Variants in TOP3A observed in about 807,000 individuals in gnomAD.
TOP3A encodes DNA topoisomerase 3-alpha.
A neutral mutation model predicts 111.3 loss-of-function variants in TOP3A; 64 were observed. The observed-to-expected ratio is 0.57, with a 90% CI of 0.47 to 0.71. The LOEUF is 0.71. TOP3A is among the 30% of genes least tolerant of loss of function. TOP3A has a pLI of 0.00. For missense variants in TOP3A, 1,104 were observed against 1,285.0 expected, an observed-to-expected ratio of 0.86 and a Z score of 2.15; for synonymous variants, 484 against 485.1, an observed-to-expected ratio of 1.00 and a Z score of 0.03.
In TOP3A at chr17:18,292,481, A is replaced by G. The variant is rs112106872; in HGVS notation, c.1281+164T>C. On this transcript the variant is annotated intron_variant, in intron 11 of 18. Transcript: ENST00000321105. ...AGACGGGGGCCCACCACGGGGAGGGATGAGGCGGTCTTTATCAAAGCCAGG... is the reference window on the plus strand; with the variant it reads ...AGACGGGGGCCCACCACGGGGAGGGGTGAGGCGGTCTTTATCAAAGCCAGG... 9.2e-3 allele frequency among the ~76,000 whole-genome samples: 1,395 copies of G among 152,278 alleles called. 28 individuals carry two copies. The highest frequency in any genetic ancestry group is 0.032 in the African/African-American group (1,333 of 41,540).
At chr17:18,305,275 T>C in intron 4 of TOP3A, 55 bp from the exon 5 acceptor site, 1 of 1,414,994 alleles carries the variant, frequency 7.1e-7, no homozygotes, top group Non-Finnish European at 1.0e-6. Flanking sequence ...AACAGTGACT[T>C]GACATCTCTA....
chr17:18,291,978 T>C (rs1032368177), intron 11 of TOP3A, among the ~76,000 whole-genome samples: 1 of 152,132 alleles, frequency 6.6e-6, no homozygotes, highest in African/African-American at 2.4e-5. Flanking sequence ...TCCCACAGTG[T>C]TGGGATTACA....
Position 18,278,286 on chromosome 17 carries a change from C to T in TOP3A, c.2216G>A (p.Gly739Glu). The T allele has an allele frequency of 1.3e-6, 2 of 1,527,234 alleles. No homozygotes were observed. Among genetic ancestry groups the T allele is most frequent in the Non-Finnish European group, 1.8e-6 (2 of 1,137,732 alleles). The allele number at this position is 1,527,234 out of a possible 1,614,324, so 94.6% of individuals were successfully genotyped here. The change falls in exon 18 of 19, where the codon GGA (glycine) becomes GAA (glutamate). Residue 739 changes from glycine (G) to glutamate (E), a missense_variant. By Grantham distance (98) the Gly-to-Glu change is moderately conservative. Coordinates refer to ENST00000321105, the MANE Select transcript of TOP3A (RefSeq NM_004618.5). ...MPLEFVCCIGGCDDTLREILD... is the reference protein window; with the variant it reads ...MPLEFVCCIGECDDTLREILD... ...GATCTCCCTCAGGGTGTCGTCGCAT[C>T]CGCCGATGCAGCAAACAAACTCCAG...
chr17:18,296,581 A>AAAAC (rs572844166), intron 9 of TOP3A, among the ~76,000 whole-genome samples: 20 of 152,172 alleles, frequency 1.3e-4, no homozygotes, highest in African/African-American at 2.9e-4. Context: ...TCTGTCTCAA[A>AAAAC]AAACAAACAA....
intron 9 of TOP3A, among the ~76,000 whole-genome samples, chr17:18,297,995 C>T (rs376779561): frequency 0.051 from 7,698 of 150,516 alleles, 515 homozygotes; most frequent in African/African-American, 0.17. Flanking sequence ...TCTTCCCGGC[C>T]GCCATCCCAT....
chr17:18,283,417 GTGTC>G (rs1979894073), intron 15 of TOP3A, among the ~76,000 whole-genome samples: 3 of 151,916 alleles, frequency 2.0e-5, no homozygotes, highest in Admixed American at 2.0e-4. Context: ...AACTCCAGGA[GTGTC>G]TGTCTGTATT....
At chr17:18,295,159 AT>A (rs1228691244) in intron 9 of TOP3A, among the ~76,000 whole-genome samples, 19 of 146,818 alleles carry the variant, frequency 1.3e-4, no homozygotes, top group Non-Finnish European at 2.1e-4. Context: ...CAAACTCCAC[AT>A]TTTTTTTTTT....
rs1022373729 is a variant in TOP3A, at chr17:18,272,390, T to G, written c.*2412A>C. Among the ~76,000 whole-genome samples, 5 of 152,242 alleles carry G rather than the reference T, an allele frequency of 3.3e-5. No homozygotes were observed. The highest frequency in any genetic ancestry group is 1.2e-4 in the African/African-American group (5 of 41,464). On this transcript the variant is annotated 3_prime_UTR_variant, in exon 19 of 19. Coordinates refer to ENST00000321105, the MANE Select transcript of TOP3A (RefSeq NM_004618.5). The stretch of plus-strand genomic sequence containing the variant: ...GTAGGTTCCTCAAAAAGTCAAAACA[T>G]GGAGTTATGGTATAAAACTACAATT...
intron 9 of TOP3A, among the ~76,000 whole-genome samples, chr17:18,296,153 C>T (rs1980789670): frequency 6.6e-6 from 1 of 152,154 alleles, no homozygotes; most frequent in African/African-American, 2.4e-5. Flanking sequence ...CCACCCAAGC[C>T]CCAGTAAATT....
intron 13 of TOP3A, among the ~76,000 whole-genome samples, chr17:18,289,697 T>A (rs1478641163): frequency 1.3e-5 from 2 of 152,236 alleles, no homozygotes; most frequent in Non-Finnish European, 2.9e-5. Context: ...CCAGCCTTCA[T>A]ACATTTTTAT....
Position 18,274,878 on chromosome 17 carries a change from G to A in TOP3A, c.2930C>T (p.Thr977Ile). The A allele has an allele frequency of 6.2e-7, 1 of 1,614,198 alleles. No homozygotes were observed. The highest frequency in any genetic ancestry group is 1.1e-5 in the South Asian group (1 of 91,082). Residue 977 changes from threonine (T) to isoleucine (I), a missense_variant, in exon 19 of 19, where the codon ACA becomes ATA. By Grantham distance (89) the Thr-to-Ile change is moderately conservative (BLOSUM62 -1). Coordinates refer to ENST00000321105, the MANE Select transcript of TOP3A (RefSeq NM_004618.5). ...GCTGCATTTCCGGGGTTTCTTTGCT[G>A]TGGACCCCATGTCTGAGGAACTGGC... ...PRASSSDMGSTAKKPRKCSLC... is the reference protein window; with the variant it reads ...PRASSSDMGSIAKKPRKCSLC...
rs547803614 is a variant in TOP3A, at chr17:18,290,055, C to T, written c.1597+502G>A. Among the ~76,000 whole-genome samples, 221 of 152,344 alleles carry T rather than the reference C, an allele frequency of 1.5e-3. 1 individual carries two copies. Among genetic ancestry groups the T allele is most frequent in the Middle Eastern group, 6.8e-3 (2 of 294 alleles). ...GGTCCTGGCACATACATGAGGCCAG[C>T]GTGAGCAGCCTGAGTGAGCAGTGTG... On this transcript the variant is annotated intron_variant, in intron 13 of 18. Coordinates refer to ENST00000321105, the MANE Select transcript of TOP3A (RefSeq NM_004618.5).
At chr17:18,311,032 ACT>A (rs1981878069) in intron 1 of TOP3A, among the ~76,000 whole-genome samples, 1 of 142,260 alleles carries the variant, frequency 7.0e-6, no homozygotes, top group African/African-American at 2.7e-5. Context: ...ACAGAGTCTC[ACT>A]CTGTTGCCCA....
At chr17:18,286,804 A>G (rs953765542) in intron 13 of TOP3A, among the ~76,000 whole-genome samples, 3 of 152,204 alleles carry the variant, frequency 2.0e-5, no homozygotes, top group Non-Finnish European at 4.4e-5. Context: ...AAAACTGTTC[A>G]CAGCAGGATT....
At chr17:18,282,882 C>T (rs201616779) in intron 15 of TOP3A, 41 bp from the exon 16 acceptor site, 15 of 1,610,418 alleles carry the variant, frequency 9.3e-6, no homozygotes, top group Admixed American at 6.7e-5. Flanking sequence ...AGCCAGCAAT[C>T]GCTGCAAAGG....
At position 18,290,881 on chromosome 17, in the gene TOP3A, G is replaced by C; in HGVS notation, c.1428C>G (p.Asn476Lys). The change falls in exon 12 of 19, where the codon AAC (asparagine) becomes AAG (lysine). Residue 476 changes from asparagine to lysine, a missense_variant. By Grantham distance (94) the Asn-to-Lys change is moderately conservative. Coordinates refer to ENST00000321105, the MANE Select transcript of TOP3A (RefSeq NM_004618.5). ...GATCATATGGATACACATCCAGATA[G>C]TTTCGGGCCAGAATCATGAGGCCAT... ...VAHGLMILAR[N>K]YLDVYPYDHW... The C allele has an allele frequency of 6.2e-7, 1 of 1,614,220 alleles. No individual in the cohort carries two copies. Among genetic ancestry groups the C allele is most frequent in the African/African-American group, 1.3e-5 (1 of 75,050 alleles).
At chr17:18,295,056 G>A (rs1019744392) in intron 9 of TOP3A, among the ~76,000 whole-genome samples, 18 of 152,196 alleles carry the variant, frequency 1.2e-4, no homozygotes, top group Admixed American at 6.5e-4. Context: ...GCTATGTTGC[G>A]CAGGCTGATC....
At chr17:18,277,333 C>T (rs1979441762) in intron 18 of TOP3A, among the ~76,000 whole-genome samples, 1 of 152,194 alleles carries the variant, frequency 6.6e-6, no homozygotes. Flanking sequence ...GCAATACCCA[C>T]TTCATGTGTC....
chr17:18,292,722 G>A lies in TOP3A; in HGVS notation c.1204C>T (p.Pro402Ser), dbSNP rs762158334. 6 of 1,611,600 alleles carry A rather than the reference G, an allele frequency of 3.7e-6. No individual in the cohort carries two copies. The South Asian group carries it at 4.4e-5, about 12-fold the overall frequency. The change falls in exon 11 of 19, where the codon CCC (proline) becomes TCC (serine). Residue 402 changes from proline (P) to serine (S), a missense_variant. Coordinates refer to ENST00000321105, the MANE Select transcript of TOP3A (RefSeq NM_004618.5). ...GACTTGTTCCCATTGCGTGGGGTGG[G>A]ACCACCCCGCTCTAGAATGCTCTGG... Reference protein sequence around the residue: ...FAQSILERGGPTPRNGNKSDQ... With the variant: ...FAQSILERGGSTPRNGNKSDQ...
Sources: gnomAD v4.1 joint callset for allele counts (sites outside exome capture counted in the v4.1 genomes callset) on GRCh38, gnomAD v4.1.1 for gene constraint, MANE v1.5 for transcripts, NCBI Gene and HGNC (gene_info 2026-07-23, HGNC 2026-07-21) for gene names.